TUSC3: variants seen among roughly 807,000 people sequenced by gnomAD.
TUSC3 encodes the protein tumor suppressor candidate 3.
TUSC3 carries 45 observed loss-of-function variants against 44.8 expected under a neutral mutation model. The observed-to-expected ratio is 1.00, with a 90% confidence interval of 0.79 to 1.29. The LOEUF (loss-of-function observed/expected upper bound fraction) is 1.29, where lower values mean the gene tolerates loss of function less well. TUSC3 is among the 50% of genes most tolerant of loss of function. TUSC3 has a pLI of 0.00. For synonymous variants in TUSC3, 212 were observed against 152.9 expected (o/e 1.39, Z -2.85); for missense variants, 519 against 437.9 (o/e 1.19, Z -1.65).
chr8:15,481,374 T>C (rs369214174), intron 1 of TUSC3, among the ~76,000 whole-genome samples: 1 of 152,082 alleles, frequency 6.6e-6, no homozygotes, highest in East Asian at 1.9e-4. Flanking sequence ...AGCTTCCTTA[T>C]TAAAGGACAA....
intron 6 of TUSC3, among the ~76,000 whole-genome samples, chr8:15,675,816 C>T (rs577490986): frequency 6.6e-6 from 1 of 152,256 alleles, no homozygotes; most frequent in African/African-American, 2.4e-5. Flanking sequence ...ATATGTACCA[C>T]ATTTTCTTTA....
intron 1 of TUSC3, among the ~76,000 whole-genome samples, chr8:15,562,963 C>G (rs528294851): frequency 1.3e-5 from 2 of 152,030 alleles, no homozygotes; most frequent in Middle Eastern, 3.4e-3. Context: ...TGTGGGAGCG[C>G]TGTTCTGCTA....
At chr8:15,614,919 C>A (rs563318406) in intron 1 of TUSC3, among the ~76,000 whole-genome samples, 1 of 128,834 alleles carries the variant, frequency 7.8e-6, no homozygotes, top group Admixed American at 8.4e-5. Flanking sequence ...GCTATTCAGG[C>A]TGTTATTAAA....
intron 2 of TUSC3, among the ~76,000 whole-genome samples, chr8:15,489,323 A>T (rs1467060240): frequency 6.6e-6 from 1 of 152,310 alleles, no homozygotes; most frequent in East Asian, 1.9e-4. Flanking sequence ...ATCAATAGAA[A>T]GGACTGTCCA....
At chr8:15,503,408 C>CTTGACATA (rs1800996400) in intron 2 of TUSC3, among the ~76,000 whole-genome samples, 1 of 152,140 alleles carries the variant, frequency 6.6e-6, no homozygotes, top group African/African-American at 2.4e-5. Flanking sequence ...AAAACTAATA[C>CTTGACATA]TTGACATACT....
chr8:15,634,601 C>G (rs1279538147), intron 2 of TUSC3, among the ~76,000 whole-genome samples: 1 of 152,142 alleles, frequency 6.6e-6, no homozygotes, highest in Non-Finnish European at 1.5e-5. Flanking sequence ...GCAGATCCAG[C>G]AGTTGATGGT....
intron 1 of TUSC3, among the ~76,000 whole-genome samples, chr8:15,550,281 G>A (rs900511198): frequency 2.0e-5 from 3 of 151,652 alleles, no homozygotes; most frequent in Non-Finnish European, 2.9e-5. Flanking sequence ...ACAATATGAT[G>A]GGTGGTCTCC....
At chr8:15,839,466 A>G in the TUSC3 span, among the ~76,000 whole-genome samples, 1 of 152,114 alleles carries the variant, frequency 6.6e-6, no homozygotes, top group Non-Finnish European at 1.5e-5. Flanking sequence ...AAATTTTTGC[A>G]ATCTACTCAT....
chr8:15,717,006 T>C (rs1810085307), intron 6 of TUSC3, among the ~76,000 whole-genome samples: 1 of 152,096 alleles, frequency 6.6e-6, no homozygotes. Flanking sequence ...TAAAATATAT[T>C]GAAGGATGTA....
At chr8:15,762,831 G>A (rs879661240) in intron 10 of TUSC3, among the ~76,000 whole-genome samples, 4 of 152,006 alleles carry the variant, frequency 2.6e-5, no homozygotes, top group Non-Finnish European at 5.9e-5. Flanking sequence ...TGCTTTACCA[G>A]CAGTGTTTTT....
At chr8:15,458,976 C>G (rs1301163294) in intron 1 of TUSC3, among the ~76,000 whole-genome samples, 1 of 152,172 alleles carries the variant, frequency 6.6e-6, no homozygotes, top group Non-Finnish European at 1.5e-5. Context: ...AATCTTTTCA[C>G]CAAATAGACC....
At position 15,456,176 on chromosome 8, in the gene TUSC3, C is replaced by G. The variant is rs189867928; in HGVS notation, n.92-27210C>G. Among the ~76,000 whole-genome samples, 23 of 152,276 alleles carry G rather than the reference C, an allele frequency of 1.5e-4. 1 individual carries two copies. Among genetic ancestry groups the G allele is most frequent in the African/African-American group, 5.3e-4 (22 of 41,572 alleles). Reference sequence around the variant, plus strand: ...TAGCTTTGAAAAACCTCTAACTTCACAGCCTTCAATGAGATTGATTTGAGT... The same window carrying G: ...TAGCTTTGAAAAACCTCTAACTTCAGAGCCTTCAATGAGATTGATTTGAGT... On this transcript the variant is annotated intron_variant and non_coding_transcript_variant, in intron 1 of 5. Transcript: ENST00000503191.
intron 9 of TUSC3, among the ~76,000 whole-genome samples, chr8:15,751,248 A>AT (rs1301009031): frequency 6.6e-6 from 1 of 152,148 alleles, no homozygotes; most frequent in Non-Finnish European, 1.5e-5. Context: ...AAGGAAGACA[A>AT]TTAAAAAAAA....
At chr8:15,556,338 A>AT (rs1260916831) in intron 1 of TUSC3, among the ~76,000 whole-genome samples, 2 of 150,304 alleles carry the variant, frequency 1.3e-5, no homozygotes, top group Non-Finnish European at 1.5e-5. Flanking sequence ...TGAACTCATC[A>AT]TTTTTTATGG....
chr8:15,669,824 T>C (rs903668154), intron 5 of TUSC3, among the ~76,000 whole-genome samples: 2 of 151,720 alleles, frequency 1.3e-5, no homozygotes, highest in East Asian at 3.9e-4. Flanking sequence ...CCCTGAGCAT[T>C]GCATTAAGAC....
At chr8:15,801,761 A>G in the TUSC3 span, among the ~76,000 whole-genome samples, 1 of 152,106 alleles carries the variant, frequency 6.6e-6, no homozygotes, top group Admixed American at 6.5e-5. Context: ...GCTGCAAGAG[A>G]ACCTCCTGAT....
chr8:15,458,988 G>C (rs918636542), intron 1 of TUSC3, among the ~76,000 whole-genome samples: 1 of 152,116 alleles, frequency 6.6e-6, no homozygotes, highest in Non-Finnish European at 1.5e-5. Context: ...AAATAGACCA[G>C]GTTCATTTTT....
At position 15,694,881 on chromosome 8, in the gene TUSC3, G is replaced by C. The variant is rs73665478; in HGVS notation, c.798+21045G>C. Among the ~76,000 whole-genome samples, 694 of 152,306 alleles carry C rather than the reference G, an allele frequency of 4.6e-3. 4 individuals carry two copies. The highest frequency in any genetic ancestry group is 0.016 in the African/African-American group (669 of 41,580). On this transcript the variant is annotated intron_variant, in intron 6 of 10. Coordinates refer to ENST00000503731, the MANE Select transcript of TUSC3 (RefSeq NM_006765.4). The stretch of plus-strand genomic sequence containing the variant: ...ATGCTTCATAGGAAGGTGGCAGTGA[G>C]ATTCGTGCTGGTTCACTTACGCCAG...
chr8:15,830,759 G>T, the TUSC3 span, among the ~76,000 whole-genome samples: 1 of 152,088 alleles, frequency 6.6e-6, no homozygotes, highest in Admixed American at 6.6e-5. Flanking sequence ...GACTCCAAAG[G>T]GAGGAAGGTG....
Sources: allele counts gnomAD v4.1 joint callset (sites outside exome capture counted in the v4.1 genomes callset), GRCh38; gene constraint gnomAD v4.1.1; transcripts MANE v1.5; gene names NCBI Gene and HGNC (gene_info 2026-07-23, HGNC 2026-07-21).